The following CCDC50 variants were observed in gnomAD, a reference collection of about 807,000 sequenced individuals.
CCDC50 encodes coiled-coil domain-containing protein 50.
CCDC50 carries 54 observed loss-of-function variants against 70.2 expected under a neutral mutation model. The ratio of observed to expected loss-of-function variants is 0.77; its 90% CI spans 0.62 to 0.96. CCDC50 has a LOEUF of 0.96. Among genes scored for constraint, CCDC50 ranks in the 50% least tolerant of loss-of-function variants. The pLI, the probability that CCDC50 is intolerant of heterozygous loss-of-function variation, is 0.00. For missense variants in CCDC50, 558 were observed against 578.7 expected (o/e 0.96, Z 0.37); for synonymous variants, 216 against 198.8 (o/e 1.09, Z -0.73).
intron 1 of CCDC50, chr3:191,330,396 G>C (rs1717939486): frequency 1.3e-5 from 2 of 152,530 alleles, no homozygotes; most frequent in Admixed American, 1.3e-4. Flanking sequence ...GTCCAGGAAA[G>C]TAGAGATTAG....
chr3:191,388,813 A>ATACCT (rs1272598463), intron 10 of CCDC50, among the ~76,000 whole-genome samples: 13 of 152,192 alleles, frequency 8.5e-5, no homozygotes, highest in African/African-American at 3.1e-4. Context: ...AACTTTGAGT[A>ATACCT]TACCTTTGGG....
In CCDC50 at chr3:191,389,532, G is replaced by A. The variant is rs187841562; in HGVS notation, c.1359G>A (p.Ala453=). Residue 453 remains alanine (A), a synonymous_variant, in exon 11 of 12, where the codon GCG becomes GCA. Coordinates refer to ENST00000392455, the MANE Select transcript of CCDC50 (RefSeq NM_178335.3). ...CTATCATGACAGATGGTGAAGATGC[G>A]GATTACACTCATTTTACAAACCAGC... The part of the protein sequence containing the change: ...PPPIMTDGED[A]DYTHFTNQQS... 30 of 1,614,008 alleles carry A rather than the reference G, an allele frequency of 1.9e-5. No individual in the cohort carries two copies. Among genetic ancestry groups the A allele is most frequent in the Admixed American group, 1.3e-4 (8 of 60,008 alleles).
chr3:191,380,750 CT>C lies in CCDC50; in HGVS notation c.1137+20del. ...AGATGAAGTAAGTTAATGAGTTTAG[CT>C]GATATTCTTTGGAAATATCCTAGTA... On this transcript the variant is annotated intron_variant, in intron 8 of 11. Coordinates refer to ENST00000392455, the MANE Select transcript of CCDC50 (RefSeq NM_178335.3). The C allele has an allele frequency of 6.2e-7, 1 of 1,611,944 alleles. No homozygotes were observed. Among genetic ancestry groups the C allele is most frequent in the Non-Finnish European group, 8.5e-7 (1 of 1,178,714 alleles).
At chr3:191,385,644 G>T (rs1713463941) in intron 10 of CCDC50, among the ~76,000 whole-genome samples, 1 of 151,372 alleles carries the variant, frequency 6.6e-6, no homozygotes, top group South Asian at 2.1e-4. Flanking sequence ...GAAATCTTTA[G>T]TTACATTAAG....
Position 191,380,672 on chromosome 3 carries a change from T to C in CCDC50, c.1093-15T>C. 1 of 1,610,504 alleles carries C rather than the reference T, an allele frequency of 6.2e-7. No homozygotes were observed. On this transcript the variant is annotated splice_polypyrimidine_tract_variant and intron_variant, in intron 7 of 11. Transcript: ENST00000392455. ...TCCAATTAAATTCTTTGTTTTTGTA[T>C]TTTCGATATCATAGGCTACCCAGGT... is the stretch of plus-strand genomic sequence containing the variant.
At chr3:191,369,464 CT>C (rs1560165935) in intron 4 of CCDC50, among the ~76,000 whole-genome samples, 1 of 152,068 alleles carries the variant, frequency 6.6e-6, no homozygotes, top group Admixed American at 6.6e-5. Flanking sequence ...ATTGTTTTCT[CT>C]TTTTTGGTTA....
intron 1 of CCDC50, among the ~76,000 whole-genome samples, chr3:191,345,607 T>C (rs1229792489): frequency 1.3e-5 from 2 of 152,216 alleles, no homozygotes; most frequent in South Asian, 2.1e-4. Context: ...TGAGGACTTA[T>C]ATCATCTCAG....
rs1131691638 is a variant in CCDC50 at position 191,375,110 on chromosome 3, G to T, written c.497G>T (p.Arg166Ile). Reference sequence around the variant, plus strand: ...AGGGAATTGGGTTCTGGATTCTCAAGACCTTGTAGACTCCAAAGAGATGGA... The same window carrying T: ...AGGGAATTGGGTTCTGGATTCTCAATACCTTGTAGACTCCAAAGAGATGGA... ...RARELGSGFS[R>I]PCRLQRDGKT... The change falls in exon 6 of 12, where the codon AGA (arginine) becomes ATA (isoleucine). Residue 166 changes from arginine (R) to isoleucine (I), a missense_variant. By Grantham distance (97) the Arg-to-Ile change is moderately conservative. Coordinates refer to ENST00000392455, the MANE Select transcript of CCDC50 (RefSeq NM_178335.3). The T allele has an allele frequency of 6.2e-7, 1 of 1,613,542 alleles. No individual in the cohort carries two copies. The highest frequency in any genetic ancestry group is 8.5e-7 in the Non-Finnish European group (1 of 1,179,694).
chr3:191,379,121 A>G (rs1301810772), intron 6 of CCDC50, among the ~76,000 whole-genome samples: 1 of 152,144 alleles, frequency 6.6e-6, no homozygotes, highest in Non-Finnish European at 1.5e-5. Flanking sequence ...AATGGACATA[A>G]TACACTAAAC....
intron 10 of CCDC50, among the ~76,000 whole-genome samples, chr3:191,385,705 GTCT>G (rs1713469109): frequency 6.6e-6 from 1 of 150,590 alleles, no homozygotes; most frequent in South Asian, 2.1e-4. Flanking sequence ...TGTTTTGGGG[GTCT>G]TCTTAAATTA....
chr3:191,350,460 G>A lies in CCDC50; in HGVS notation c.50-6628G>A, dbSNP rs555142116. Among the ~76,000 whole-genome samples, 3 of 142,306 alleles carry A rather than the reference G, an allele frequency of 2.1e-5. No homozygotes were observed. In the East Asian group the frequency reaches 5.8e-4, roughly 27 times the overall value. The allele number at this position is 142,306 out of a possible 152,430, so 93.4% of individuals were successfully genotyped here. A position where few individuals can be genotyped will look rare whatever the true frequency, so the allele number is the denominator to read the frequency against. The stretch of plus-strand genomic sequence containing the variant: ...GTGAAAGAAATAGCCTCTAGTTAAT[G>A]TGGTATTAATCCAGGCATTTTTATG... On this transcript the variant is annotated intron_variant, in intron 1 of 11. Coordinates refer to ENST00000392455, the MANE Select transcript of CCDC50 (RefSeq NM_178335.3).
intron 3 of CCDC50, 29 bp downstream of exon 3, chr3:191,358,153 T>A (rs780455957): frequency 6.2e-7 from 1 of 1,613,314 alleles, no homozygotes; most frequent in Non-Finnish European, 8.5e-7. Context: ...GGAGGGGTGA[T>A]GCAAGACTGG....
chr3:191,383,161 A>T (rs1560171372), intron 10 of CCDC50, among the ~76,000 whole-genome samples: 1 of 152,064 alleles, frequency 6.6e-6, no homozygotes, highest in Non-Finnish European at 1.5e-5. Context: ...TCGAGTTTTA[A>T]ATATTTACCG....
intron 9 of CCDC50, among the ~76,000 whole-genome samples, chr3:191,381,216 A>G (rs1422092308): frequency 6.6e-6 from 1 of 152,158 alleles, no homozygotes; most frequent in Non-Finnish European, 1.5e-5. Flanking sequence ...TAGTTTTCAT[A>G]TACAGTACTT....
At chr3:191,385,756 T>G (rs1295515084) in intron 10 of CCDC50, among the ~76,000 whole-genome samples, 1 of 152,116 alleles carries the variant, frequency 6.6e-6, no homozygotes, top group South Asian at 2.1e-4. Flanking sequence ...CTTTCCTAGG[T>G]TTTCTTCTAA....
chr3:191,341,172 T>C (rs1711716818), intron 1 of CCDC50, among the ~76,000 whole-genome samples: 1 of 152,140 alleles, frequency 6.6e-6, no homozygotes, highest in Non-Finnish European at 1.5e-5. Context: ...ACTAGATCTA[T>C]GTTAATCAGT....
rs142011018 is a variant in CCDC50 at position 191,347,742 on chromosome 3, G to A, written c.50-9346G>A. ...TTATAATAAAGCTGAAATTCCAGGT[G>A]AAGGAATTTACTGTTGTTTGAGGTA... On this transcript the variant is annotated intron_variant, in intron 1 of 11. Transcript: ENST00000392455. 1.2e-3 allele frequency among the ~76,000 whole-genome samples: 169 copies of A among 142,218 alleles called. 14 individuals are homozygous for A. Among genetic ancestry groups the A allele is most frequent in the African/African-American group, 3.7e-3 (148 of 39,858 alleles). 93.3% of individuals were successfully genotyped at this position (142,218 alleles called of 152,430 possible).
chr3:191,365,726 T>A (rs1712661955), intron 4 of CCDC50, among the ~76,000 whole-genome samples: 1 of 152,182 alleles, frequency 6.6e-6, no homozygotes, highest in Non-Finnish European at 1.5e-5. Context: ...TTGATTGTTT[T>A]TAAACTCCAG....
rs1713884087 is a variant in CCDC50 at position 191,397,045 on chromosome 3, C to T, written c.*5285C>T. 1 of 152,138 alleles carries T rather than the reference C, an allele frequency of 6.6e-6. No homozygotes were observed. The highest frequency in any genetic ancestry group is 1.5e-5 in the Non-Finnish European group (1 of 68,016). The allele number at this position is 152,138 out of a possible 1,614,324, so 9.4% of individuals were successfully genotyped here. ...CAGGTTTCAGCATTTCAGATAAGGG[C>T]ATAATTAATTGTGTAACTTAATGCC... On this transcript the variant is annotated 3_prime_UTR_variant, in exon 12 of 12. Coordinates refer to ENST00000392455, the MANE Select transcript of CCDC50 (RefSeq NM_178335.3).
Sources: gnomAD v4.1 joint callset for allele counts (sites outside exome capture counted in the v4.1 genomes callset) on GRCh38, gnomAD v4.1.1 for gene constraint, MANE v1.5 for transcripts, NCBI Gene and HGNC (gene_info 2026-07-23, HGNC 2026-07-21) for gene names.